The following ROBO1 variants were observed in gnomAD, a reference collection of about 807,000 sequenced individuals.
ROBO1 encodes the protein roundabout homolog 1.
A neutral mutation model predicts 195.9 loss-of-function variants in ROBO1; 149 were observed. That is an observed-to-expected ratio of 0.76 (90% CI 0.67 to 0.87). ROBO1 has a LOEUF of 0.87. Ranked by LOEUF, ROBO1 falls within the 40% of genes least tolerant of loss-of-function variation. The pLI is 0.00. For synonymous variants in ROBO1, 816 were observed against 733.2 expected (o/e 1.11, Z -1.82); for missense variants, 1,933 against 2,068.3 (o/e 0.93, Z 1.27).
At chr3:78,917,466 A>T (rs954022237) in intron 4 of ROBO1, among the ~76,000 whole-genome samples, 4 of 152,194 alleles carry the variant, frequency 2.6e-5, no homozygotes, top group African/African-American at 9.7e-5. Flanking sequence ...ATTAAGCTAA[A>T]TTATACAAAT....
chr3:79,546,125 T>A (rs1394792707), intron 2 of ROBO1, among the ~76,000 whole-genome samples: 1 of 152,094 alleles, frequency 6.6e-6, no homozygotes, highest in Non-Finnish European at 1.5e-5. Context: ...AATGTATGTA[T>A]AATACATACA....
intron 21 of ROBO1, among the ~76,000 whole-genome samples, chr3:78,641,402 G>A (rs1705943806): frequency 6.6e-6 from 1 of 152,152 alleles, no homozygotes; most frequent in African/African-American, 2.4e-5. Flanking sequence ...AGGAAGAGTG[G>A]AGAAAATATC....
intron 1 of ROBO1, among the ~76,000 whole-genome samples, chr3:79,619,117 C>T (rs1426946139): frequency 6.6e-6 from 1 of 152,092 alleles, no homozygotes; most frequent in Non-Finnish European, 1.5e-5. Context: ...GACACCTGCC[C>T]TCATCATTCA....
At chr3:78,904,927 C>A (rs2037812497) in intron 4 of ROBO1, among the ~76,000 whole-genome samples, 1 of 151,818 alleles carries the variant, frequency 6.6e-6, no homozygotes, top group Non-Finnish European at 1.5e-5. Flanking sequence ...CCTTACTATA[C>A]CAATATCATG....
At chr3:79,592,780 T>C (rs1944044812) in intron 1 of ROBO1, among the ~76,000 whole-genome samples, 1 of 152,060 alleles carries the variant, frequency 6.6e-6, no homozygotes, top group Non-Finnish European at 1.5e-5. Flanking sequence ...TAAGGTTTAC[T>C]CTTGGTGTTG....
intron 2 of ROBO1, among the ~76,000 whole-genome samples, chr3:79,483,542 T>C (rs573815037): frequency 2.6e-5 from 4 of 152,328 alleles, no homozygotes; most frequent in African/African-American, 9.6e-5. Flanking sequence ...TTCACAAACC[T>C]AGATGCTATA....
intron 8 of ROBO1, among the ~76,000 whole-genome samples, chr3:78,708,265 C>T (rs758509489): frequency 6.6e-6 from 1 of 152,060 alleles, no homozygotes; most frequent in East Asian, 1.9e-4. Context: ...TATCACCTAT[C>T]TTTCGTTTGG....
At chr3:78,655,008 C>T (rs1706911778) in intron 18 of ROBO1, among the ~76,000 whole-genome samples, 1 of 152,104 alleles carries the variant, frequency 6.6e-6, no homozygotes, top group South Asian at 2.1e-4. Context: ...CTCATATAAA[C>T]GTTCAACAGA....
chr3:79,598,332 C>G (rs1003360920), intron 1 of ROBO1, among the ~76,000 whole-genome samples: 7 of 151,968 alleles, frequency 4.6e-5, no homozygotes. Flanking sequence ...AGAATCTTAT[C>G]CTTCAACCTA....
intron 2 of ROBO1, among the ~76,000 whole-genome samples, chr3:79,284,083 T>C (rs1411827937): frequency 6.6e-6 from 1 of 152,040 alleles, no homozygotes; most frequent in East Asian, 1.9e-4. Flanking sequence ...TATATGTATA[T>C]ATATGCATGT....
At chr3:78,920,236 C>T (rs2038858840) in intron 4 of ROBO1, among the ~76,000 whole-genome samples, 1 of 152,074 alleles carries the variant, frequency 6.6e-6, no homozygotes, top group Admixed American at 6.6e-5. Flanking sequence ...GATTAAGAAT[C>T]CTTCATGATT....
intron 1 of ROBO1, among the ~76,000 whole-genome samples, chr3:79,708,821 C>T (rs1028340946): frequency 7.2e-5 from 11 of 152,068 alleles, no homozygotes; most frequent in Admixed American, 4.6e-4. Context: ...GAGCTGTGAT[C>T]GTGCCACTGC....
chr3:79,481,660 T>A, intron 2 of ROBO1, among the ~76,000 whole-genome samples: 1 of 152,160 alleles, frequency 6.6e-6, no homozygotes, highest in Non-Finnish European at 1.5e-5. Flanking sequence ...TTTCGAACCA[T>A]TTTTAGTGCC....
At chr3:78,760,456 A>C (rs1399364218) in intron 4 of ROBO1, among the ~76,000 whole-genome samples, 1 of 152,156 alleles carries the variant, frequency 6.6e-6, no homozygotes, top group Non-Finnish European at 1.5e-5. Flanking sequence ...GCCTGAGCCC[A>C]GTACTCTAAC....
intron 2 of ROBO1, among the ~76,000 whole-genome samples, chr3:79,519,567 T>A (rs1302766752): frequency 1.5e-5 from 2 of 131,922 alleles, no homozygotes; most frequent in Non-Finnish European, 3.1e-5. Flanking sequence ...AGACAGAGGT[T>A]GCAGTGAGCC....
intron 2 of ROBO1, among the ~76,000 whole-genome samples, chr3:79,209,361 T>C (rs1313705848): frequency 1.3e-5 from 2 of 152,210 alleles, no homozygotes; most frequent in African/African-American, 4.8e-5. Flanking sequence ...ATGGTGTATG[T>C]AACCACATTT....
At chr3:79,586,709 T>C (rs985676043) in intron 2 of ROBO1, among the ~76,000 whole-genome samples, 1 of 151,898 alleles carries the variant, frequency 6.6e-6, no homozygotes. Context: ...ATGTGAAATA[T>C]ATGCTTTAAT....
intron 4 of ROBO1, among the ~76,000 whole-genome samples, chr3:78,899,482 G>A (rs1026303321): frequency 9.7e-4 from 148 of 152,232 alleles, no homozygotes; most frequent in African/African-American, 3.5e-3. Context: ...GTTCACTTTA[G>A]TTCTAACTTA....
chr3:79,031,276 A>G (rs2078291749), intron 3 of ROBO1, among the ~76,000 whole-genome samples: 1 of 152,124 alleles, frequency 6.6e-6, no homozygotes, highest in South Asian at 2.1e-4. Context: ...TAGTCTATTG[A>G]TATGTTTCAG....
Sources: gnomAD v4.1 joint callset for allele counts (sites outside exome capture counted in the v4.1 genomes callset) on GRCh38, gnomAD v4.1.1 for gene constraint, MANE v1.5 for transcripts, NCBI Gene and HGNC (gene_info 2026-07-23, HGNC 2026-07-21) for gene names.